ZSWIM5: variants seen among roughly 807,000 people sequenced by gnomAD.
ZSWIM5 encodes zinc finger SWIM-type containing 5, also known as zinc finger SWIM domain-containing protein 5.
ZSWIM5 carries 55 observed loss-of-function variants against 119.6 expected under a neutral mutation model. That is an observed-to-expected ratio of 0.46 (90% confidence interval 0.37 to 0.58). The LOEUF (loss-of-function observed/expected upper bound fraction) is 0.58, where lower values mean the gene tolerates loss of function less well. Among genes scored for constraint, ZSWIM5 ranks in the 20% least tolerant of loss-of-function variants. ZSWIM5 has a pLI of 0.00. For missense variants in ZSWIM5, 1,193 were observed against 1,512.8 expected (o/e 0.79, Z 3.51); for synonymous variants, 537 against 606.9 (o/e 0.88, Z 1.69).
At chr1:45,180,611 G>A (rs962349848) in intron 1 of ZSWIM5, among the ~76,000 whole-genome samples, 1 of 152,176 alleles carries the variant, frequency 6.6e-6, no homozygotes, top group Non-Finnish European at 1.5e-5. Flanking sequence ...GGAGATCTGA[G>A]AACGGGCAGA....
intron 1 of ZSWIM5, among the ~76,000 whole-genome samples, chr1:45,168,268 G>A (rs1458629826): frequency 2.0e-5 from 3 of 151,758 alleles, no homozygotes; most frequent in Admixed American, 6.6e-5. Flanking sequence ...GGTGGGAATC[G>A]AACAATGAGA....
At chr1:45,184,458 T>G (rs1646044279) in intron 1 of ZSWIM5, among the ~76,000 whole-genome samples, 1 of 152,188 alleles carries the variant, frequency 6.6e-6, no homozygotes, top group Non-Finnish European at 1.5e-5. Context: ...GAAGTCAAAT[T>G]GTCCCTGTTT....
Position 45,060,293 on chromosome 1 carries a change from C to T in ZSWIM5, c.953-46G>A, listed in dbSNP as rs147324451. On this transcript the variant is annotated intron_variant, in intron 2 of 13. Transcript: ENST00000359600. ...GAAATGAATCACCTGAGTTCACATG[C>T]TACACATTCAGCTGGAGGGGCACTT... 40 of 1,594,562 alleles carry T rather than the reference C, an allele frequency of 2.5e-5. 1 individual carries two copies. The African/African-American group carries it at 3.2e-4, about 13-fold the overall frequency.
intron 1 of ZSWIM5, among the ~76,000 whole-genome samples, chr1:45,182,145 G>A (rs908412076): frequency 7.6e-4 from 116 of 152,196 alleles, no homozygotes; most frequent in African/African-American, 2.5e-3. Context: ...GGCCGGGCGC[G>A]GTGGCTCACG....
At chr1:45,128,104 T>A (rs886705948) in intron 1 of ZSWIM5, among the ~76,000 whole-genome samples, 3 of 152,200 alleles carry the variant, frequency 2.0e-5, no homozygotes, top group African/African-American at 7.2e-5. Context: ...GAAAGATTTT[T>A]TTGCAGACAT....
At chr1:45,182,445 C>G (rs1268439745) in intron 1 of ZSWIM5, among the ~76,000 whole-genome samples, 2 of 151,528 alleles carry the variant, frequency 1.3e-5, no homozygotes, top group Non-Finnish European at 2.9e-5. Context: ...CAAAAAGACA[C>G]AGACTGGCAA....
intron 11 of ZSWIM5, among the ~76,000 whole-genome samples, chr1:45,033,359 G>T (rs564439629): frequency 6.6e-6 from 1 of 151,866 alleles, no homozygotes; most frequent in South Asian, 2.1e-4. Context: ...TATTTTTGGG[G>T]GGACAATAAG....
At chr1:45,115,505 G>T (rs552668298) in intron 1 of ZSWIM5, among the ~76,000 whole-genome samples, 2 of 150,530 alleles carry the variant, frequency 1.3e-5, no homozygotes, top group African/African-American at 4.9e-5. Context: ...AGACGGGGTC[G>T]CGGCCGGGCA....
At chr1:45,082,657 C>A (rs2149009438) in intron 2 of ZSWIM5, among the ~76,000 whole-genome samples, 1 of 152,148 alleles carries the variant, frequency 6.6e-6, no homozygotes, top group East Asian at 1.9e-4. Flanking sequence ...TACTATGGAA[C>A]CTGTTGTAGA....
intron 1 of ZSWIM5, among the ~76,000 whole-genome samples, chr1:45,157,683 T>C (rs1645836208): frequency 2.0e-5 from 3 of 151,720 alleles, no homozygotes. Context: ...ATTGTTGAAA[T>C]GCACTTTCAT....
intron 8 of ZSWIM5, 128 bp from the exon 9 acceptor site, chr1:45,036,427 T>A: frequency 1.5e-6 from 2 of 1,335,434 alleles, no homozygotes; most frequent in South Asian, 3.1e-5. Context: ...CAATCTCAGC[T>A]CACTGCAGCC....
Position 45,155,571 on chromosome 1 carries a change from A to G in ZSWIM5, c.595+50185T>C, listed in dbSNP as rs535106232. 4.6e-5 allele frequency among the ~76,000 whole-genome samples: 7 copies of G among 152,334 alleles called. No individual in the cohort carries two copies. The South Asian group carries it at 1.2e-3, about 27-fold the overall frequency. ...GTCATTACACAAAAAAGAAACTTGC[A>G]CATGCATGTTTACGGCAGCGCTATA... is the stretch of plus-strand genomic sequence containing the variant. On this transcript the variant is annotated intron_variant, in intron 1 of 13. Coordinates refer to ENST00000359600, the MANE Select transcript of ZSWIM5 (RefSeq NM_020883.2).
chr1:45,139,828 C>T (rs183025872), intron 1 of ZSWIM5, among the ~76,000 whole-genome samples: 4 of 150,812 alleles, frequency 2.7e-5, no homozygotes, highest in African/African-American at 9.7e-5. Flanking sequence ...TGTGAGACAT[C>T]CTGCCCAGCA....
At chr1:45,152,940 C>G (rs1356732162) in intron 1 of ZSWIM5, among the ~76,000 whole-genome samples, 8 of 151,594 alleles carry the variant, frequency 5.3e-5, no homozygotes, top group African/African-American at 9.7e-5. Context: ...AAAAAATGGG[C>G]AAAAATGCAA....
intron 1 of ZSWIM5, among the ~76,000 whole-genome samples, chr1:45,092,455 C>T (rs774116821): frequency 6.6e-6 from 1 of 150,468 alleles, no homozygotes; most frequent in East Asian, 2.0e-4. Flanking sequence ...TGCCAACACA[C>T]CTGGCTACTT....
chr1:45,143,597 T>C (rs1430776036), intron 1 of ZSWIM5, among the ~76,000 whole-genome samples: 1 of 151,212 alleles, frequency 6.6e-6, no homozygotes, highest in East Asian at 1.9e-4. Flanking sequence ...TCCTTTCTAA[T>C]ATCGGGAATA....
chr1:45,018,971 AG>A lies in ZSWIM5; in HGVS notation c.3040del (p.Leu1014TyrfsTer11). On this transcript the variant is annotated frameshift_variant, in exon 14 of 14. Coordinates refer to ENST00000359600, the MANE Select transcript of ZSWIM5 (RefSeq NM_020883.2). LOFTEE classifies it high-confidence loss of function. This position sits in a 1 kb window ranked among gnomAD's most constrained non-coding sequence, Gnocchi z 6.7. ...CAATGAGGCCAGCTTGAAGGCACGT[AG>A]CGGGTAGCCACGGAGCTCCATGTAG... is the stretch of plus-strand genomic sequence containing the variant. ...ARYMELRGYP[L>X]RAFKLASLAM... The A allele has an allele frequency of 6.2e-7, 1 of 1,614,250 alleles. No homozygotes were observed. The highest frequency in any genetic ancestry group is 8.5e-7 in the Non-Finnish European group (1 of 1,180,046).
At chr1:45,115,467 G>A (rs1388352007) in intron 1 of ZSWIM5, among the ~76,000 whole-genome samples, 3 of 150,860 alleles carry the variant, frequency 2.0e-5, no homozygotes, top group South Asian at 2.1e-4. Flanking sequence ...ACGGGGTGGC[G>A]GTCGGGCAGA....
At chr1:45,171,182 G>A (rs1645944216) in intron 1 of ZSWIM5, among the ~76,000 whole-genome samples, 1 of 151,880 alleles carries the variant, frequency 6.6e-6, no homozygotes, top group African/African-American at 2.4e-5. Flanking sequence ...TTCTACCACT[G>A]GAATAACTAC....
Sources: gnomAD v4.1 joint callset for allele counts (sites outside exome capture counted in the v4.1 genomes callset) on GRCh38, gnomAD v4.1.1 for gene constraint, Gnocchi (gnomAD v3.1) non-coding constraint, MANE v1.5 for transcripts, NCBI Gene and HGNC (gene_info 2026-07-23, HGNC 2026-07-21) for gene names.